The following TMEM178A variants were observed in gnomAD, a reference collection of about 807,000 sequenced individuals.
TMEM178A encodes the protein transmembrane protein 178A.
TMEM178A carries 12 observed loss-of-function variants against 29.1 expected under a neutral mutation model. The observed-to-expected ratio is 0.41, with a 90% CI of 0.26 to 0.67. The LOEUF (loss-of-function observed/expected upper bound fraction) is 0.67, where lower values mean the gene tolerates loss of function less well. Among genes scored for constraint, TMEM178A ranks in the 30% least tolerant of loss-of-function variants. TMEM178A has a pLI of 0.29. For synonymous variants in TMEM178A, 210 were observed against 187.2 expected, an observed-to-expected ratio of 1.12 and a Z score of -0.99; for missense variants, 366 against 419.1, an observed-to-expected ratio of 0.87 and a Z score of 1.11.
intron 1 of TMEM178A, among the ~76,000 whole-genome samples, chr2:39,668,997 GA>G (rs1670294299): frequency 6.6e-6 from 1 of 152,196 alleles, no homozygotes; most frequent in Non-Finnish European, 1.5e-5. Flanking sequence ...TATAAAACTA[GA>G]AATTAACACT....
intron 1 of TMEM178A, among the ~76,000 whole-genome samples, chr2:39,681,396 G>T (rs1419063378): frequency 6.6e-6 from 1 of 152,128 alleles, no homozygotes; most frequent in African/African-American, 2.4e-5. Flanking sequence ...ACCACCTCAT[G>T]TTTGCCCTGT....
At position 39,666,471 on chromosome 2, in the gene TMEM178A, C is replaced by T. The variant is rs542249675; in HGVS notation, c.400+97C>T. ...GCCGGTCCCCGCAGCCCCCTCCCAGCCGCGGCCCCGCGCCTGGGCATTCTT... is the reference window on the plus strand; with the variant it reads ...GCCGGTCCCCGCAGCCCCCTCCCAGTCGCGGCCCCGCGCCTGGGCATTCTT... On this transcript the variant is annotated intron_variant, in intron 1 of 3. Coordinates refer to ENST00000281961, the MANE Select transcript of TMEM178A (RefSeq NM_152390.3). 32 of 1,014,652 alleles carry T rather than the reference C, an allele frequency of 3.2e-5. No individual in the cohort carries two copies. In the South Asian group the frequency reaches 1.1e-3, roughly 36 times the overall value. 62.9% of individuals were successfully genotyped at this position (1,014,652 alleles called of 1,614,324 possible).
intron 1 of TMEM178A, among the ~76,000 whole-genome samples, chr2:39,684,694 G>T (rs111460393): frequency 4.6e-5 from 7 of 152,218 alleles, no homozygotes; most frequent in African/African-American, 1.7e-4. Context: ...CTTGTTGCGT[G>T]GGGGAGGGAG....
At chr2:39,674,873 G>A (rs1670551653) in intron 1 of TMEM178A, among the ~76,000 whole-genome samples, 1 of 151,428 alleles carries the variant, frequency 6.6e-6, no homozygotes, top group South Asian at 2.1e-4. Context: ...AATTCAAGTT[G>A]GTAGGAGGAA....
At chr2:39,674,989 C>T (rs768872639) in intron 1 of TMEM178A, among the ~76,000 whole-genome samples, 2 of 152,188 alleles carry the variant, frequency 1.3e-5, no homozygotes, top group Admixed American at 1.3e-4. Flanking sequence ...GATTTGCACT[C>T]GGGCTACAGA....
chr2:39,732,675 C>T, the TMEM178A span, among the ~76,000 whole-genome samples: 2 of 152,274 alleles, frequency 1.3e-5, no homozygotes, highest in East Asian at 3.9e-4. Flanking sequence ...TGTGCTTCCT[C>T]TACTGGGATT....
chr2:39,701,839 C>A (rs930100122), intron 1 of TMEM178A, among the ~76,000 whole-genome samples: 7 of 151,986 alleles, frequency 4.6e-5, no homozygotes, highest in African/African-American at 1.7e-4. Flanking sequence ...GTGCATTTTT[C>A]TTTTCAGTTA....
intron 3 of TMEM178A, among the ~76,000 whole-genome samples, chr2:39,710,216 C>G (rs1262660599): frequency 6.6e-6 from 1 of 152,168 alleles, no homozygotes; most frequent in Non-Finnish European, 1.5e-5. Context: ...CCACCACCAA[C>G]AAAAACCCAA....
At chr2:39,724,951 C>G in the TMEM178A span, among the ~76,000 whole-genome samples, 1 of 152,184 alleles carries the variant, frequency 6.6e-6, no homozygotes, top group Non-Finnish European at 1.5e-5. Flanking sequence ...CTCAAATAAA[C>G]TGGACTTGGG....
chr2:39,732,855 T>C, the TMEM178A span, among the ~76,000 whole-genome samples: 8 of 152,246 alleles, frequency 5.3e-5, no homozygotes, highest in South Asian at 6.2e-4. Context: ...GAGCAGCAAA[T>C]CCAAAGCTCA....
At chr2:39,704,380 T>C (rs1015272581) in intron 2 of TMEM178A, among the ~76,000 whole-genome samples, 186 bp downstream of exon 2, 1 of 152,300 alleles carries the variant, frequency 6.6e-6, no homozygotes, top group Middle Eastern at 3.4e-3. Context: ...TGCTTAAAAA[T>C]AAAATGTGTG....
chr2:39,704,122 C>A lies in TMEM178A; in HGVS notation c.442C>A (p.Gln148Lys). ...CACGGCCATCAAGTACCACTTTTCT[C>A]AGCCCATCCGCTTGCGAAACATTCC... is the stretch of plus-strand genomic sequence containing the variant. ...RCTAIKYHFS[Q>K]PIRLRNIPFN... Residue 148 changes from glutamine (Q) to lysine (K), a missense_variant, in exon 2 of 4, where the codon CAG becomes AAG. Gln to Lys is a moderately conservative substitution (Grantham distance 53). Around this residue, in one of 2 missense-constraint regions of TMEM178A, gnomAD observed 247 missense variants for 246.8 expected, o/e 1.00. Coordinates refer to ENST00000281961, the MANE Select transcript of TMEM178A (RefSeq NM_152390.3). The A allele has an allele frequency of 6.2e-7, 1 of 1,614,182 alleles. No individual in the cohort carries two copies. The highest frequency in any genetic ancestry group is 8.5e-7 in the Non-Finnish European group (1 of 1,180,022).
chr2:39,688,344 A>G (rs1222267467), intron 1 of TMEM178A, among the ~76,000 whole-genome samples: 3 of 152,220 alleles, frequency 2.0e-5, no homozygotes, highest in African/African-American at 4.8e-5. Flanking sequence ...TGATTTAGAG[A>G]TGCCTGTGGA....
At chr2:39,694,938 G>A (rs1671473806) in intron 1 of TMEM178A, among the ~76,000 whole-genome samples, 1 of 152,184 alleles carries the variant, frequency 6.6e-6, no homozygotes, top group African/African-American at 2.4e-5. Context: ...CTTTGGGACT[G>A]GTTTAGCCAT....
intron 1 of TMEM178A, among the ~76,000 whole-genome samples, chr2:39,685,791 G>T (rs1671050753): frequency 6.6e-6 from 1 of 152,198 alleles, no homozygotes; most frequent in Non-Finnish European, 1.5e-5. Context: ...TACCTAATGG[G>T]TAGTAGGACC....
At chr2:39,724,023 C>G in the TMEM178A span, among the ~76,000 whole-genome samples, 1 of 152,142 alleles carries the variant, frequency 6.6e-6, no homozygotes, top group Non-Finnish European at 1.5e-5. Context: ...GTAAAGAATG[C>G]CAGACCTATT....
chr2:39,727,528 C>T, the TMEM178A span, among the ~76,000 whole-genome samples: 1 of 152,208 alleles, frequency 6.6e-6, no homozygotes, highest in Non-Finnish European at 1.5e-5. Flanking sequence ...AGCATTTCTT[C>T]TCAAACCTCA....
intron 1 of TMEM178A, among the ~76,000 whole-genome samples, chr2:39,678,544 G>A (rs573933515): frequency 4.6e-5 from 7 of 152,246 alleles, no homozygotes; most frequent in Admixed American, 3.3e-4. Context: ...CACAGAGACA[G>A]AAAACAGGGA....
chr2:39,725,573 G>A, the TMEM178A span, among the ~76,000 whole-genome samples: 1 of 152,180 alleles, frequency 6.6e-6, no homozygotes, highest in Non-Finnish European at 1.5e-5. Context: ...TTATGGCTGT[G>A]TTCACTTGGT....
Sources: gnomAD v4.1 joint callset for allele counts (sites outside exome capture counted in the v4.1 genomes callset) on GRCh38, gnomAD v4.1.1 for gene constraint, gnomAD v4.1.1 regional missense constraint, MANE v1.5 for transcripts, NCBI Gene and HGNC (gene_info 2026-07-23, HGNC 2026-07-21) for gene names.